The following PRKG1 variants were observed in gnomAD, a reference collection of about 807,000 sequenced individuals.
PRKG1 encodes protein kinase cGMP-dependent 1.
Under a neutral mutation model 88.1 loss-of-function variants are expected in PRKG1, and 35 were observed. The observed-to-expected ratio is 0.40, with a 90% CI of 0.30 to 0.53. PRKG1 has a LOEUF of 0.53. Among genes scored for constraint, PRKG1 ranks in the 20% least tolerant of loss-of-function variants. PRKG1 has a pLI of 0.59. For synonymous variants in PRKG1, 303 were observed against 292.5 expected, an observed-to-expected ratio of 1.04 and a Z score of -0.37; for missense variants, 540 against 839.8, an observed-to-expected ratio of 0.64 and a Z score of 4.41.
chr10:51,799,563 G>A (rs1839111960), intron 3 of PRKG1, among the ~76,000 whole-genome samples: 1 of 151,946 alleles, frequency 6.6e-6, no homozygotes, highest in Non-Finnish European at 1.5e-5. Context: ...ACACTGTTGA[G>A]CTCAGTATTG....
At chr10:51,884,444 C>CAAAAAAAAAA (rs57229967) in intron 4 of PRKG1, among the ~76,000 whole-genome samples, 25 of 70,016 alleles carry the variant, frequency 3.6e-4, no homozygotes, top group Admixed American at 6.4e-4. Context: ...AACTCCGTCT[C>CAAAAAAAAAA]AAAAAAAAAA....
chr10:51,448,143 G>T (rs1211184545), intron 2 of PRKG1, among the ~76,000 whole-genome samples: 1 of 151,982 alleles, frequency 6.6e-6, no homozygotes, highest in Non-Finnish European at 1.5e-5. Context: ...AGCGACTCAG[G>T]AGGCTGAGGT....
chr10:51,292,072 G>A (rs577309213), intron 2 of PRKG1, among the ~76,000 whole-genome samples: 35 of 152,194 alleles, frequency 2.3e-4, no homozygotes, highest in African/African-American at 8.4e-4. Flanking sequence ...CTGCAACATA[G>A]CAGTTATTCA....
Position 52,250,371 on chromosome 10 carries a change from G to A in PRKG1, c.1077-1199G>A, listed in dbSNP as rs370093262. ...ACTAGAAATGTGATTGTAAATTGAAGAATGCAGAAAGCTTACCTAGAAAGC... is the reference window on the plus strand; with the variant it reads ...ACTAGAAATGTGATTGTAAATTGAAAAATGCAGAAAGCTTACCTAGAAAGC... On this transcript the variant is annotated intron_variant, in intron 9 of 17. Transcript: ENST00000373980. 1.3e-4 allele frequency among the ~76,000 whole-genome samples: 20 copies of A among 152,286 alleles called. No homozygotes were observed. The East Asian group carries it at 2.3e-3, about 18-fold the overall frequency.
intron 3 of PRKG1, among the ~76,000 whole-genome samples, chr10:51,764,285 T>C (rs964642738): frequency 4.6e-5 from 7 of 152,198 alleles, no homozygotes; most frequent in Non-Finnish European, 1.0e-4. Context: ...GAGAAACTGC[T>C]CATAGTGTTA....
intron 8 of PRKG1, among the ~76,000 whole-genome samples, chr10:52,160,217 G>A (rs1838242211): frequency 6.6e-6 from 1 of 151,824 alleles, no homozygotes; most frequent in Non-Finnish European, 1.5e-5. Flanking sequence ...TAAGGACCAA[G>A]ACATTCTATG....
chr10:51,708,691 A>G (rs1182326297), intron 3 of PRKG1, among the ~76,000 whole-genome samples: 1 of 152,178 alleles, frequency 6.6e-6, no homozygotes, highest in Non-Finnish European at 1.5e-5. Context: ...CTGTGATTCA[A>G]TTCAGCATTG....
intron 2 of PRKG1, among the ~76,000 whole-genome samples, chr10:51,181,176 C>G (rs1837331628): frequency 6.6e-6 from 1 of 150,400 alleles, no homozygotes; most frequent in African/African-American, 2.5e-5. Context: ...GGTTCCATTT[C>G]CTGAAACAGC....
intron 2 of PRKG1, among the ~76,000 whole-genome samples, chr10:51,329,373 G>A (rs1355129997): frequency 6.6e-6 from 1 of 152,148 alleles, no homozygotes; most frequent in East Asian, 1.9e-4. Context: ...TCAGTTGGCT[G>A]TAAATGTGGA....
chr10:52,173,375 CTT>C lies in PRKG1; in HGVS notation c.1076+11414_1076+11415del, dbSNP rs746713276. Reference sequence around the variant, plus strand: ...TAGATATGATAATAAGCCCTGCTATCTTTCAATAAAATGCCATTAGAAAATTA... The same window carrying C: ...TAGATATGATAATAAGCCCTGCTATCTCAATAAAATGCCATTAGAAAATTA... On this transcript the variant is annotated intron_variant, in intron 9 of 17. Transcript: ENST00000373980. Among the ~76,000 whole-genome samples the C allele has an allele frequency of 9.9e-5, 15 of 152,266 alleles. No individual in the cohort carries two copies. The East Asian group carries it at 2.3e-3, about 24-fold the overall frequency.
intron 5 of PRKG1, among the ~76,000 whole-genome samples, chr10:51,947,460 G>GCCTCACCCA (rs1843073944): frequency 2.3e-4 from 29 of 125,882 alleles, no homozygotes; most frequent in Admixed American, 1.7e-3. Context: ...CGCATGGTGC[G>GCCTCACCCA]CTGCACCCAC....
chr10:51,166,468 A>G (rs1704855326), intron 2 of PRKG1, among the ~76,000 whole-genome samples: 1 of 152,216 alleles, frequency 6.6e-6, no homozygotes, highest in Non-Finnish European at 1.5e-5. Context: ...ATTAATAGCG[A>G]TAACTATAGG....
intron 5 of PRKG1, among the ~76,000 whole-genome samples, chr10:52,014,546 C>T (rs1178197213): frequency 4.6e-5 from 7 of 152,154 alleles, no homozygotes; most frequent in Admixed American, 1.3e-4. Flanking sequence ...TGGTCCCTCA[C>T]AAATCTCATT....
intron 1 of PRKG1, among the ~76,000 whole-genome samples, chr10:51,038,889 C>T (rs982962784): frequency 2.6e-5 from 4 of 152,204 alleles, no homozygotes; most frequent in African/African-American, 9.7e-5. Flanking sequence ...TAAATTTATA[C>T]ACCTACTGTG....
chr10:51,027,693 T>G (rs1363032416), intron 1 of PRKG1, among the ~76,000 whole-genome samples: 1 of 152,186 alleles, frequency 6.6e-6, no homozygotes, highest in Non-Finnish European at 1.5e-5. Context: ...CTAAATCTTC[T>G]CAAGGTTACT....
chr10:50,996,504 A>T (rs1842838477), intron 1 of PRKG1, among the ~76,000 whole-genome samples: 1 of 152,210 alleles, frequency 6.6e-6, no homozygotes, highest in African/African-American at 2.4e-5. Flanking sequence ...TGACCAGTGA[A>T]TCTTTGTATC....
At chr10:51,258,912 G>T (rs1839633161) in intron 2 of PRKG1, among the ~76,000 whole-genome samples, 1 of 152,134 alleles carries the variant, frequency 6.6e-6, no homozygotes, top group African/African-American at 2.4e-5. Context: ...TTTAGTGCTA[G>T]CCAGATCACT....
At chr10:51,375,262 T>C (rs997270639) in intron 2 of PRKG1, among the ~76,000 whole-genome samples, 2 of 152,174 alleles carry the variant, frequency 1.3e-5, no homozygotes, top group Admixed American at 1.3e-4. Context: ...AAAATAATAA[T>C]AGTACCTATT....
chr10:51,662,101 T>C (rs1426583065), intron 3 of PRKG1, among the ~76,000 whole-genome samples: 1 of 152,016 alleles, frequency 6.6e-6, no homozygotes, highest in Non-Finnish European at 1.5e-5. Flanking sequence ...AGGGGAGGGA[T>C]AGCATTAGGA....
Sources: allele counts gnomAD v4.1 joint callset (sites outside exome capture counted in the v4.1 genomes callset), GRCh38; gene constraint gnomAD v4.1.1; transcripts MANE v1.5; gene names NCBI Gene and HGNC (gene_info 2026-07-23, HGNC 2026-07-21).